The following ARRB1 variants were observed in gnomAD, a reference collection of about 807,000 sequenced individuals.
The protein encoded by ARRB1 is arrestin beta 1.
In ARRB1, 21 loss-of-function variants were observed where a neutral mutation model predicts 56.8. That is an observed-to-expected ratio of 0.37 (90% CI 0.26 to 0.53). The LOEUF is 0.53. Ranked by LOEUF, ARRB1 falls within the 20% of genes least tolerant of loss-of-function variation. The pLI is 0.88. For synonymous variants in ARRB1, 210 were observed against 218.6 expected, an observed-to-expected ratio of 0.96 and a Z score of 0.35; for missense variants, 424 against 553.7, an observed-to-expected ratio of 0.77 and a Z score of 2.35.
rs554394757 is a variant in ARRB1, at chr11:75,269,901, G to A, written c.1023-942C>T. Among the ~76,000 whole-genome samples the A allele has an allele frequency of 2.7e-4, 41 of 152,332 alleles. No individual in the cohort carries two copies. In the Middle Eastern group the frequency reaches 0.01, roughly 38 times the overall value. On this transcript the variant is annotated intron_variant, in intron 13 of 15. Transcript: ENST00000420843. Reference sequence around the variant, plus strand: ...AACCCTGAAGGCTCCTCTCGGCTTGGGGTGACATCACCCTAGGAGACCACC... The same window carrying A: ...AACCCTGAAGGCTCCTCTCGGCTTGAGGTGACATCACCCTAGGAGACCACC...
chr11:75,266,364 A>G (rs1945912933), intron 15 of ARRB1, 90 bp from the exon 16 acceptor site: 6 of 1,097,336 alleles, frequency 5.5e-6, no homozygotes, highest in Non-Finnish European at 8.3e-6. Context: ...GACTCAGAGT[A>G]TGGCTCTGGG....
intron 5 of ARRB1, among the ~76,000 whole-genome samples, chr11:75,282,665 C>T (rs1472885796): frequency 1.3e-5 from 2 of 152,208 alleles, no homozygotes. Context: ...GCTGTAAGCT[C>T]ATACATCTGT....
At chr11:75,333,374 T>C (rs1947550031) in intron 1 of ARRB1, among the ~76,000 whole-genome samples, 1 of 152,190 alleles carries the variant, frequency 6.6e-6, no homozygotes, top group Non-Finnish European at 1.5e-5. Context: ...TTGGGCCCAG[T>C]GCAGCTTCTT....
intron 1 of ARRB1, among the ~76,000 whole-genome samples, chr11:75,328,069 C>T (rs1947469462): frequency 1.3e-5 from 2 of 152,232 alleles, no homozygotes; most frequent in Non-Finnish European, 2.9e-5. Flanking sequence ...CAAAGTAAAA[C>T]CCCTTACTCA....
At position 75,313,285 on chromosome 11, in the gene ARRB1, A is replaced by G. The variant is rs529189808; in HGVS notation, c.21-23246T>C. ...AGAATTGCTTAAAGCTGGCAGGTGG[A>G]GGTTGCAGTGAGCTGAGATTGAGCC... is the stretch of plus-strand genomic sequence containing the variant. On this transcript the variant is annotated intron_variant, in intron 1 of 15. Coordinates refer to ENST00000420843, the MANE Select transcript of ARRB1 (RefSeq NM_004041.5). Among the ~76,000 whole-genome samples, 13 of 152,330 alleles carry G rather than the reference A, an allele frequency of 8.5e-5. No individual in the cohort carries two copies. In the East Asian group the frequency reaches 1.7e-3, roughly 20 times the overall value.
chr11:75,286,993 G>A (rs559414287), intron 3 of ARRB1, among the ~76,000 whole-genome samples: 9 of 152,242 alleles, frequency 5.9e-5, no homozygotes, highest in African/African-American at 2.2e-4. Context: ...GGAAAGCAGG[G>A]ATAGTCATCA....
chr11:75,323,339 C>T (rs1947377710), intron 1 of ARRB1, among the ~76,000 whole-genome samples: 2 of 152,324 alleles, frequency 1.3e-5, no homozygotes, highest in South Asian at 4.1e-4. Context: ...CCTAGAGGGG[C>T]CGGGCGTGGT....
At chr11:75,298,604 G>A (rs368440566) in intron 1 of ARRB1, among the ~76,000 whole-genome samples, 1 of 152,174 alleles carries the variant, frequency 6.6e-6, no homozygotes, top group East Asian at 1.9e-4. Context: ...AAGTGGGGCC[G>A]TCACTTTGAA....
intron 1 of ARRB1, among the ~76,000 whole-genome samples, chr11:75,347,256 C>T (rs1244657596): frequency 6.6e-6 from 1 of 152,230 alleles, no homozygotes; most frequent in Non-Finnish European, 1.5e-5. Context: ...TTGATGCTAC[C>T]ACTCCCAGCG....
chr11:75,277,236 G>C, intron 9 of ARRB1, 128 bp downstream of exon 9: 1 of 991,254 alleles, frequency 1.0e-6, no homozygotes, highest in African/African-American at 1.6e-5. Flanking sequence ...GTGGCTCAGA[G>C]CAGGCCCTGG....
At chr11:75,335,704 G>A (rs1947591780) in intron 1 of ARRB1, among the ~76,000 whole-genome samples, 2 of 152,202 alleles carry the variant, frequency 1.3e-5, no homozygotes, top group Admixed American at 1.3e-4. Flanking sequence ...ACCCCAAGAG[G>A]AGCCTTCCAT....
intron 1 of ARRB1, among the ~76,000 whole-genome samples, chr11:75,295,233 A>C (rs2140450007): frequency 6.6e-6 from 1 of 151,126 alleles, no homozygotes; most frequent in East Asian, 1.9e-4. Context: ...AAAAAAAAAA[A>C]AAAAAAAAAA....
At chr11:75,313,724 C>T (rs1336059410) in intron 1 of ARRB1, among the ~76,000 whole-genome samples, 1 of 151,196 alleles carries the variant, frequency 6.6e-6, no homozygotes, top group Admixed American at 6.6e-5. Flanking sequence ...CCTGATAAAA[C>T]CCCTGTGAGG....
intron 7 of ARRB1, 50 bp from the exon 8 acceptor site, chr11:75,278,794 C>A (rs367806131): frequency 3.6e-5 from 56 of 1,560,624 alleles, no homozygotes; most frequent in Non-Finnish European, 4.5e-5. Flanking sequence ...CTGCCTTCAT[C>A]CCCTCTCCTT....
intron 13 of ARRB1, 97 bp downstream of exon 13, chr11:75,271,604 C>T: frequency 3.0e-6 from 4 of 1,326,018 alleles, no homozygotes; most frequent in East Asian, 2.6e-5. Context: ...CACTAAGATT[C>T]CTTCCAACCC....
Position 75,265,523 on chromosome 11 carries a change from AAGTC to A in ARRB1, c.*636_*639del, listed in dbSNP as rs1945888450. 1 of 153,544 alleles carries A rather than the reference AAGTC, an allele frequency of 6.5e-6. No individual in the cohort carries two copies. Among genetic ancestry groups the A allele is most frequent in the African/African-American group, 2.4e-5 (1 of 41,436 alleles). The allele number at this position is 153,544 out of a possible 1,614,324, so 9.5% of individuals were successfully genotyped here. ...TCAGTCTAGGTAACTGCTGGTAAGAAAGTCAGTCCAGTTGCTTTTCTCTACTCCT... is the reference window on the plus strand; with the variant it reads ...TCAGTCTAGGTAACTGCTGGTAAGAAAGTCCAGTTGCTTTTCTCTACTCCT... On this transcript the variant is annotated 3_prime_UTR_variant, in exon 16 of 16. Coordinates refer to ENST00000420843, the MANE Select transcript of ARRB1 (RefSeq NM_004041.5).
At chr11:75,346,485 G>A (rs990167698) in intron 1 of ARRB1, among the ~76,000 whole-genome samples, 1 of 151,240 alleles carries the variant, frequency 6.6e-6, no homozygotes, top group African/African-American at 2.4e-5. Context: ...AGGGCCTCAC[G>A]CCCTTCCTCC....
At chr11:75,350,765 G>A (rs1455453279) in intron 1 of ARRB1, among the ~76,000 whole-genome samples, 1 of 152,226 alleles carries the variant, frequency 6.6e-6, no homozygotes, top group Non-Finnish European at 1.5e-5. Flanking sequence ...TGGATGAAAT[G>A]CGATCTGTTT....
intron 1 of ARRB1, among the ~76,000 whole-genome samples, chr11:75,303,865 C>A (rs1280617514): frequency 2.0e-5 from 3 of 152,240 alleles, no homozygotes; most frequent in Non-Finnish European, 4.4e-5. Flanking sequence ...TGCCACGGAA[C>A]TGAAATGATG....
Sources: allele counts gnomAD v4.1 joint callset (sites outside exome capture counted in the v4.1 genomes callset), GRCh38; gene constraint gnomAD v4.1.1; transcripts MANE v1.5; gene names NCBI Gene and HGNC (gene_info 2026-07-23, HGNC 2026-07-21).